LRMDA: variants seen among roughly 807,000 people sequenced by gnomAD.
The protein encoded by LRMDA is leucine rich melanocyte differentiation associated.
In LRMDA, 18 loss-of-function variants were observed where a neutral mutation model predicts 29.8. The ratio of observed to expected loss-of-function variants is 0.60; its 90% CI spans 0.42 to 0.90. The LOEUF (loss-of-function observed/expected upper bound fraction) is 0.90, where lower values mean the gene tolerates loss of function less well. LRMDA is among the 40% of genes least tolerant of loss of function. The pLI is 0.00. For synonymous variants in LRMDA, 125 were observed against 109.4 expected (o/e 1.14, Z -0.89); for missense variants, 273 against 273.9 (o/e 1.00, Z 0.02).
intron 5 of LRMDA, among the ~76,000 whole-genome samples, chr10:76,284,835 A>G (rs550045507): frequency 6.6e-6 from 1 of 152,252 alleles, no homozygotes; most frequent in South Asian, 2.1e-4. Flanking sequence ...TATAAAGGGC[A>G]GTTCCCCTGC....
chr10:75,524,496 A>C (rs1040963863), intron 2 of LRMDA, among the ~76,000 whole-genome samples: 2 of 152,138 alleles, frequency 1.3e-5, no homozygotes, highest in Non-Finnish European at 2.9e-5. Flanking sequence ...GAGAATATTT[A>C]CAAAACACCT....
At chr10:76,154,323 G>T (rs4746369) in intron 5 of LRMDA, among the ~76,000 whole-genome samples, 3 of 152,266 alleles carry the variant, frequency 2.0e-5, no homozygotes, top group African/African-American at 4.8e-5. Context: ...CAGATTACGT[G>T]TCAGAAGAAT....
intron 2 of LRMDA, among the ~76,000 whole-genome samples, chr10:75,661,774 A>G (rs1841756903): frequency 6.6e-6 from 1 of 152,138 alleles, no homozygotes; most frequent in African/African-American, 2.4e-5. Flanking sequence ...TGAAATTGAG[A>G]CTTTAAAGAC....
chr10:75,759,337 C>T (rs1843068094), intron 2 of LRMDA, among the ~76,000 whole-genome samples: 1 of 152,182 alleles, frequency 6.6e-6, no homozygotes, highest in Non-Finnish European at 1.5e-5. Context: ...GGCTCCGTGT[C>T]ATCAAATCTC....
chr10:75,642,235 T>C (rs1384898612), intron 2 of LRMDA, among the ~76,000 whole-genome samples: 6 of 152,214 alleles, frequency 3.9e-5, no homozygotes, highest in African/African-American at 1.4e-4. Context: ...TTCATCTGTT[T>C]GAGCCTCAGT....
intron 5 of LRMDA, among the ~76,000 whole-genome samples, chr10:76,076,675 A>C (rs1167966450): frequency 1.3e-5 from 2 of 152,100 alleles, no homozygotes; most frequent in African/African-American, 4.8e-5. Context: ...GTGTTGTTAC[A>C]TGATCTCTAA....
intron 2 of LRMDA, among the ~76,000 whole-genome samples, chr10:75,750,230 G>A (rs1208364293): frequency 5.0e-5 from 7 of 139,476 alleles, no homozygotes; most frequent in African/African-American, 1.6e-4. Flanking sequence ...CCCACCTCCC[G>A]GACAGGGCGG....
At chr10:76,405,395 T>C (rs1201662388) in intron 6 of LRMDA, among the ~76,000 whole-genome samples, 1 of 152,162 alleles carries the variant, frequency 6.6e-6, no homozygotes, top group Non-Finnish European at 1.5e-5. Context: ...ATGGGAGGTA[T>C]GGTGCCCAGG....
chr10:75,782,906 T>C, intron 2 of LRMDA: 1 of 1,608,870 alleles, frequency 6.2e-7, no homozygotes, highest in Non-Finnish European at 8.5e-7. Context: ...CTCATGCCTC[T>C]TGCCAACAGT....
intron 5 of LRMDA, among the ~76,000 whole-genome samples, chr10:76,078,563 C>T (rs926581323): frequency 6.6e-6 from 1 of 151,990 alleles, no homozygotes; most frequent in Non-Finnish European, 1.5e-5. Flanking sequence ...GGGCTGGGTG[C>T]GGTGGCTCAT....
At chr10:76,527,465 C>T (rs936116443) in intron 6 of LRMDA, among the ~76,000 whole-genome samples, 2 of 152,034 alleles carry the variant, frequency 1.3e-5, no homozygotes, top group African/African-American at 4.8e-5. Flanking sequence ...TTTTTTTCCC[C>T]TCTTGATATC....
At chr10:76,070,709 T>TC in intron 5 of LRMDA, among the ~76,000 whole-genome samples, 1 of 151,874 alleles carries the variant, frequency 6.6e-6, no homozygotes, top group Non-Finnish European at 1.5e-5. Context: ...ATGAAATACT[T>TC]CTGCTCTTCT....
chr10:76,503,025 A>G lies in LRMDA; in HGVS notation c.602-54184A>G, dbSNP rs547051212. Among the ~76,000 whole-genome samples the G allele has an allele frequency of 3.9e-5, 6 of 151,934 alleles. No individual in the cohort carries two copies. In the East Asian group the frequency reaches 9.7e-4, roughly 25 times the overall value. On this transcript the variant is annotated intron_variant, in intron 6 of 6. Transcript: ENST00000611255. ...TTGTCTCTTCAGTATGACATTGGCT[A>G]TGGGTTTGTCATAGATGGCTCTTAT... is the stretch of plus-strand genomic sequence containing the variant.
intron 5 of LRMDA, among the ~76,000 whole-genome samples, chr10:76,164,003 A>C (rs144057878): frequency 0.012 from 1,756 of 152,288 alleles, 16 homozygotes; most frequent in Non-Finnish European, 0.018. Flanking sequence ...TTTTCTTAAT[A>C]TTGTGAGCTC....
At chr10:75,677,430 A>G (rs1841974172) in intron 2 of LRMDA, among the ~76,000 whole-genome samples, 1 of 152,200 alleles carries the variant, frequency 6.6e-6, no homozygotes, top group African/African-American at 2.4e-5. Context: ...GGTTTAAAAA[A>G]AAAGACCATT....
chr10:76,521,916 C>T (rs1843125382), intron 6 of LRMDA, among the ~76,000 whole-genome samples: 1 of 152,092 alleles, frequency 6.6e-6, no homozygotes, highest in South Asian at 2.1e-4. Flanking sequence ...ACAATATCTC[C>T]CCAAAAGTGT....
At chr10:76,052,422 C>G (rs1003346147) in intron 4 of LRMDA, among the ~76,000 whole-genome samples, 4 of 151,886 alleles carry the variant, frequency 2.6e-5, no homozygotes, top group African/African-American at 9.7e-5. Flanking sequence ...TCCTGGGGAG[C>G]AGCCATTGCC....
At chr10:75,710,212 G>T (rs1257593272) in intron 2 of LRMDA, among the ~76,000 whole-genome samples, 2 of 152,210 alleles carry the variant, frequency 1.3e-5, no homozygotes, top group African/African-American at 4.8e-5. Flanking sequence ...CACAGAAAAT[G>T]TGTTAATGAC....
At chr10:76,487,985 C>G (rs1334377480) in intron 6 of LRMDA, among the ~76,000 whole-genome samples, 1 of 151,778 alleles carries the variant, frequency 6.6e-6, no homozygotes, top group Non-Finnish European at 1.5e-5. Flanking sequence ...TATACAGAAC[C>G]TAGAAATAGT....
Sources: allele counts gnomAD v4.1 joint callset (sites outside exome capture counted in the v4.1 genomes callset), GRCh38; gene constraint gnomAD v4.1.1; transcripts MANE v1.5; gene names NCBI Gene and HGNC (gene_info 2026-07-23, HGNC 2026-07-21).